Variants in FSTL5 observed in about 807,000 individuals in gnomAD.
FSTL5 encodes the protein follistatin like 5, also known as follistatin-related protein 5.
FSTL5 carries 62 observed loss-of-function variants against 89.1 expected under a neutral mutation model. The observed-to-expected ratio is 0.70, with a 90% confidence interval of 0.57 to 0.86. The LOEUF is 0.86. Ranked by LOEUF, FSTL5 falls within the 40% of genes least tolerant of loss-of-function variation. The pLI, the probability that FSTL5 is intolerant of heterozygous loss-of-function variation, is 0.00. For synonymous variants in FSTL5, 383 were observed against 346.2 expected (o/e 1.11, Z -1.18); for missense variants, 1,057 against 1,001.6 (o/e 1.06, Z -0.75).
chr4:161,653,574 A>T (rs976355249), intron 7 of FSTL5, among the ~76,000 whole-genome samples: 1 of 152,156 alleles, frequency 6.6e-6, no homozygotes, highest in Non-Finnish European at 1.5e-5. Context: ...GTAACCAGAA[A>T]ACACATCAGA....
At chr4:161,415,205 C>A (rs1731728181) in intron 15 of FSTL5, among the ~76,000 whole-genome samples, 1 of 152,098 alleles carries the variant, frequency 6.6e-6, no homozygotes, top group Non-Finnish European at 1.5e-5. Context: ...TTACAATATA[C>A]AATGCTGCCC....
chr4:161,652,941 T>C (rs1295480007), intron 7 of FSTL5, among the ~76,000 whole-genome samples: 1 of 152,176 alleles, frequency 6.6e-6, no homozygotes, highest in Non-Finnish European at 1.5e-5. Flanking sequence ...AATGTACTTC[T>C]AGGGTATATA....
Position 161,775,531 on chromosome 4 carries a change from T to A in FSTL5, c.606+347A>T, listed in dbSNP as rs1471269675. 3.3e-5 allele frequency among the ~76,000 whole-genome samples: 5 copies of A among 152,272 alleles called. No individual in the cohort carries two copies. The East Asian group carries it at 9.6e-4, about 29-fold the overall frequency. On this transcript the variant is annotated intron_variant, in intron 5 of 15. Coordinates refer to ENST00000306100, the MANE Select transcript of FSTL5 (RefSeq NM_020116.5). ...CTTGAATATTGGATAAATCAGCTTT[T>A]ATTGACTTATAGAAAGTTAAACATT...
At chr4:161,833,715 T>C (rs542296338) in intron 4 of FSTL5, among the ~76,000 whole-genome samples, 2 of 152,170 alleles carry the variant, frequency 1.3e-5, no homozygotes, top group African/African-American at 4.8e-5. Context: ...CCTGCCTTTT[T>C]TTGCTTTCCA....
At chr4:161,913,153 A>G (rs1383169733) in intron 4 of FSTL5, among the ~76,000 whole-genome samples, 1 of 152,220 alleles carries the variant, frequency 6.6e-6, no homozygotes, top group Non-Finnish European at 1.5e-5. Context: ...AGAAAAGAAA[A>G]GCACATTTTT....
chr4:161,705,991 TATATACAC>T (rs1285295465), intron 6 of FSTL5, among the ~76,000 whole-genome samples: 37 of 83,250 alleles, frequency 4.4e-4, no homozygotes, highest in African/African-American at 1.6e-3. Flanking sequence ...TATATATATA[TATATACAC>T]ACATCTACAC....
chr4:162,052,754 C>G (rs1738421301), intron 2 of FSTL5, among the ~76,000 whole-genome samples: 1 of 151,750 alleles, frequency 6.6e-6, no homozygotes, highest in Non-Finnish European at 1.5e-5. Context: ...TGTGAATTAA[C>G]AGCATAAAAG....
intron 15 of FSTL5, among the ~76,000 whole-genome samples, chr4:161,407,793 G>A (rs145302058): frequency 2.5e-3 from 380 of 150,896 alleles, no homozygotes; most frequent in African/African-American, 8.8e-3. Context: ...TGCCTCATAG[G>A]AACATGTATA....
intron 5 of FSTL5, among the ~76,000 whole-genome samples, chr4:161,766,361 C>A (rs187765497): frequency 6.6e-6 from 1 of 152,236 alleles, no homozygotes; most frequent in East Asian, 1.9e-4. Flanking sequence ...GCCTGCTGTG[C>A]CTCCCCTCAT....
At chr4:161,791,206 GAAA>G (rs11311543) in intron 4 of FSTL5, among the ~76,000 whole-genome samples, 10 of 148,606 alleles carry the variant, frequency 6.7e-5, no homozygotes, top group Non-Finnish European at 1.3e-4. Flanking sequence ...CACCATAGAA[GAAA>G]AAAAAAAATG....
chr4:162,110,779 C>T (rs79044762), intron 2 of FSTL5, among the ~76,000 whole-genome samples: 2,160 of 151,690 alleles, frequency 0.014, 25 homozygotes, highest in Non-Finnish European at 0.021. Flanking sequence ...ATTTGTCCAA[C>T]ATTAGAAAAC....
At chr4:161,836,673 G>T (rs1047286163) in intron 4 of FSTL5, among the ~76,000 whole-genome samples, 8 of 151,738 alleles carry the variant, frequency 5.3e-5, no homozygotes, top group African/African-American at 1.7e-4. Flanking sequence ...ATATTAGAAA[G>T]AACACCCTGG....
Position 161,568,384 on chromosome 4 carries a change from A to G in FSTL5, c.1015+19071T>C, listed in dbSNP as rs1475931066. Among the ~76,000 whole-genome samples, 9 of 152,188 alleles carry G rather than the reference A, an allele frequency of 5.9e-5. No homozygotes were observed. In the South Asian group the frequency reaches 1.2e-3, roughly 21 times the overall value. Reference sequence around the variant, plus strand: ...CAGGAAGAATCAAAGCTTTTGAAATAGCTTCAGCGGGTAACTTAGCCCTGA... The same window carrying G: ...CAGGAAGAATCAAAGCTTTTGAAATGGCTTCAGCGGGTAACTTAGCCCTGA... On this transcript the variant is annotated intron_variant, in intron 8 of 15. Transcript: ENST00000306100.
intron 5 of FSTL5, among the ~76,000 whole-genome samples, chr4:161,764,708 A>G (rs2126793995): frequency 6.6e-6 from 1 of 152,332 alleles, no homozygotes; most frequent in African/African-American, 2.4e-5. Flanking sequence ...TATTTTCATT[A>G]AACCACTGGT....
chr4:161,718,572 G>A (rs896980119), intron 6 of FSTL5, among the ~76,000 whole-genome samples: 6 of 152,000 alleles, frequency 3.9e-5, no homozygotes, highest in Non-Finnish European at 8.8e-5. Context: ...GTGACTACAG[G>A]TGCGTGCCAC....
chr4:161,821,322 AC>A (rs1422103968), intron 4 of FSTL5, among the ~76,000 whole-genome samples: 2 of 152,176 alleles, frequency 1.3e-5, no homozygotes, highest in Non-Finnish European at 2.9e-5. Flanking sequence ...ACCAGTGTGA[AC>A]CACTGCACAT....
intron 4 of FSTL5, among the ~76,000 whole-genome samples, chr4:161,899,006 C>T (rs12507768): frequency 0.033 from 5,064 of 152,204 alleles, 122 homozygotes; most frequent in Admixed American, 0.049. Flanking sequence ...AAGGGCACTA[C>T]AGTTTTCTTT....
chr4:161,440,003 G>T (rs1360656633), intron 15 of FSTL5, among the ~76,000 whole-genome samples: 1 of 152,060 alleles, frequency 6.6e-6, no homozygotes, highest in African/African-American at 2.4e-5. Context: ...TCTGGAAGTT[G>T]CAGGGTCTGA....
intron 4 of FSTL5, among the ~76,000 whole-genome samples, chr4:161,802,628 G>A (rs1234091846): frequency 6.6e-6 from 1 of 151,424 alleles, no homozygotes; most frequent in African/African-American, 2.4e-5. Context: ...TTTTGAATAC[G>A]ATTTAATGGT....
Sources: gnomAD v4.1 joint callset for allele counts (sites outside exome capture counted in the v4.1 genomes callset) on GRCh38, gnomAD v4.1.1 for gene constraint, MANE v1.5 for transcripts, NCBI Gene and HGNC (gene_info 2026-07-23, HGNC 2026-07-21) for gene names.